BTBD9: variants seen among roughly 807,000 people sequenced by gnomAD.
The protein encoded by BTBD9 is BTB/POZ domain-containing protein 9.
BTBD9 carries 49 observed loss-of-function variants against 64.3 expected under a neutral mutation model. The ratio of observed to expected loss-of-function variants is 0.76; its 90% CI spans 0.61 to 0.97. The LOEUF is 0.97. Among genes scored for constraint, BTBD9 ranks in the 50% least tolerant of loss-of-function variants. The pLI, the probability that BTBD9 is intolerant of heterozygous loss-of-function variation, is 0.00. For synonymous variants in BTBD9, 260 were observed against 274.7 expected, an observed-to-expected ratio of 0.95 and a Z score of 0.53; for missense variants, 598 against 762.1, an observed-to-expected ratio of 0.78 and a Z score of 2.53.
intron 6 of BTBD9, among the ~76,000 whole-genome samples, chr6:38,486,472 C>A (rs903014984): frequency 5.3e-5 from 8 of 152,164 alleles, no homozygotes; most frequent in African/African-American, 1.9e-4. Flanking sequence ...TTCACTTCAA[C>A]ACTTAAAGAG....
intron 9 of BTBD9, among the ~76,000 whole-genome samples, chr6:38,241,182 AG>A (rs1763981263): frequency 6.6e-6 from 1 of 152,246 alleles, no homozygotes; most frequent in African/African-American, 2.4e-5. Context: ...GTAACTCTCC[AG>A]AGAATCAGGA....
chr6:38,611,097 G>A (rs557638994), intron 1 of BTBD9, among the ~76,000 whole-genome samples: 4 of 152,050 alleles, frequency 2.6e-5, no homozygotes, highest in Non-Finnish European at 4.4e-5. Flanking sequence ...TTAAATATAC[G>A]GAATACATGT....
At chr6:38,326,524 T>G (rs1763438464) in intron 7 of BTBD9, among the ~76,000 whole-genome samples, 1 of 151,626 alleles carries the variant, frequency 6.6e-6, no homozygotes, top group Admixed American at 6.6e-5. Context: ...ATGACAACGG[T>G]GAGGAGAGGT....
intron 7 of BTBD9, among the ~76,000 whole-genome samples, chr6:38,308,288 T>G (rs767926096): frequency 2.0e-4 from 30 of 152,212 alleles, no homozygotes; most frequent in Non-Finnish European, 4.0e-4. Context: ...AATTCTGTGT[T>G]TGAACTAACA....
intron 9 of BTBD9, among the ~76,000 whole-genome samples, chr6:38,246,495 A>G (rs1338302722): frequency 6.6e-6 from 1 of 151,368 alleles, no homozygotes; most frequent in Non-Finnish European, 1.5e-5. Context: ...AAAATCTGCT[A>G]TTTTCTTCAT....
chr6:38,421,289 G>A (rs911428774), intron 6 of BTBD9, among the ~76,000 whole-genome samples: 3 of 152,196 alleles, frequency 2.0e-5, no homozygotes, highest in African/African-American at 7.2e-5. Flanking sequence ...CCAGGAAGCA[G>A]AGGTTACAGT....
intron 6 of BTBD9, among the ~76,000 whole-genome samples, chr6:38,458,690 T>C (rs1000354767): frequency 2.0e-5 from 3 of 152,228 alleles, no homozygotes; most frequent in African/African-American, 7.2e-5. Flanking sequence ...TAGCAACATA[T>C]TTCTACACAA....
In BTBD9 at chr6:38,355,629, G is replaced by C. The variant is rs1054478201; in HGVS notation, c.1155-10536C>G. Among the ~76,000 whole-genome samples the C allele has an allele frequency of 1.2e-4, 19 of 152,352 alleles. 1 individual carries two copies. The highest frequency in any genetic ancestry group is 2.2e-4 in the Non-Finnish European group (15 of 68,016). ...AGAAAGGACGTTTTTTAATATGCAA[G>C]AAGATTCTATCATATTACTAATAGT... On this transcript the variant is annotated intron_variant, in intron 6 of 10. Coordinates refer to ENST00000481247, the MANE Select transcript of BTBD9 (RefSeq NM_001099272.2).
At chr6:38,239,971 A>G (rs1763938339) in intron 9 of BTBD9, among the ~76,000 whole-genome samples, 1 of 152,208 alleles carries the variant, frequency 6.6e-6, no homozygotes, top group African/African-American at 2.4e-5. Flanking sequence ...AACACGGTCA[A>G]TTTACTAAGC....
chr6:38,339,463 T>C (rs1420656140), intron 7 of BTBD9, among the ~76,000 whole-genome samples: 1 of 151,986 alleles, frequency 6.6e-6, no homozygotes, highest in Non-Finnish European at 1.5e-5. Flanking sequence ...AGCAAGACCC[T>C]GTCTCAAGAA....
chr6:38,175,479 T>A (rs1420410068), intron 10 of BTBD9, among the ~76,000 whole-genome samples: 4 of 152,218 alleles, frequency 2.6e-5, no homozygotes, highest in Non-Finnish European at 5.9e-5. Flanking sequence ...TTTGCCAACC[T>A]TTGTCTAATG....
chr6:38,370,578 C>T (rs1426501428), intron 6 of BTBD9, among the ~76,000 whole-genome samples: 1 of 152,154 alleles, frequency 6.6e-6, no homozygotes. Context: ...TAAGAGAATC[C>T]ACACACAAGT....
intron 1 of BTBD9, among the ~76,000 whole-genome samples, chr6:38,624,648 C>G (rs1325524211): frequency 6.6e-6 from 1 of 151,040 alleles, no homozygotes; most frequent in Non-Finnish European, 1.5e-5. Flanking sequence ...CAGAATGGTA[C>G]ACAAAATGGT....
At position 38,337,643 on chromosome 6, in the gene BTBD9, T is replaced by G. The variant is rs114289143; in HGVS notation, c.1264+7341A>C. Among the ~76,000 whole-genome samples the G allele has an allele frequency of 1.1e-3, 162 of 152,324 alleles. No individual in the cohort carries two copies. In the Middle Eastern group the frequency reaches 0.014, roughly 13 times the overall value. Reference sequence around the variant, plus strand: ...TTTGTCTGTTGTTCTCCACTCCACTTATTTCCATACCTTGCCAATGTGACT... The same window carrying G: ...TTTGTCTGTTGTTCTCCACTCCACTGATTTCCATACCTTGCCAATGTGACT... On this transcript the variant is annotated intron_variant, in intron 7 of 10. Coordinates refer to ENST00000481247, the MANE Select transcript of BTBD9 (RefSeq NM_001099272.2).
intron 7 of BTBD9, among the ~76,000 whole-genome samples, chr6:38,299,597 C>T (rs1485768744): frequency 6.6e-6 from 1 of 152,216 alleles, no homozygotes; most frequent in Non-Finnish European, 1.5e-5. Context: ...TTGCATTTCT[C>T]TGATGGCCAG....
chr6:38,344,474 T>C (rs180698112), intron 7 of BTBD9, among the ~76,000 whole-genome samples: 2 of 152,336 alleles, frequency 1.3e-5, no homozygotes, highest in Non-Finnish European at 2.9e-5. Flanking sequence ...ACTTAAATTA[T>C]ATGGAGGCAC....
At chr6:38,324,238 A>G (rs1763338203) in intron 7 of BTBD9, among the ~76,000 whole-genome samples, 1 of 152,250 alleles carries the variant, frequency 6.6e-6, no homozygotes, top group Non-Finnish European at 1.5e-5. Flanking sequence ...GTTTATAAAA[A>G]CAGCTTAGAG....
intron 6 of BTBD9, among the ~76,000 whole-genome samples, chr6:38,496,192 GAAGGA>G (rs1296491432): frequency 6.6e-6 from 1 of 152,138 alleles, no homozygotes; most frequent in Non-Finnish European, 1.5e-5. Flanking sequence ...TCACACGACT[GAAGGA>G]AAGAAAGGGC....
At chr6:38,552,177 C>T (rs979877147) in intron 6 of BTBD9, among the ~76,000 whole-genome samples, 3 of 152,150 alleles carry the variant, frequency 2.0e-5, no homozygotes, top group African/African-American at 4.8e-5. Flanking sequence ...CAATTAAGGG[C>T]CTCTATCTTA....
Sources: gnomAD v4.1 joint callset for allele counts (sites outside exome capture counted in the v4.1 genomes callset) on GRCh38, gnomAD v4.1.1 for gene constraint, MANE v1.5 for transcripts, NCBI Gene and HGNC (gene_info 2026-07-23, HGNC 2026-07-21) for gene names.